The following SLC24A2 variants were observed in gnomAD, a reference collection of about 807,000 sequenced individuals.
SLC24A2 encodes sodium/potassium/calcium exchanger 2.
A neutral mutation model predicts 62.0 loss-of-function variants in SLC24A2; 36 were observed. That is an observed-to-expected ratio of 0.58 (90% CI 0.44 to 0.77). SLC24A2 has a LOEUF of 0.77. Ranked by LOEUF, SLC24A2 falls within the 30% of genes least tolerant of loss-of-function variation. The pLI, the probability that SLC24A2 is intolerant of heterozygous loss-of-function variation, is 0.00. For synonymous variants in SLC24A2, 358 were observed against 294.0 expected (o/e 1.22, Z -2.23); for missense variants, 846 against 817.9 (o/e 1.03, Z -0.42).
the SLC24A2 span, among the ~76,000 whole-genome samples, chr9:20,177,343 C>G: frequency 1.3e-5 from 2 of 152,068 alleles, no homozygotes. Flanking sequence ...TTTTTTCCTG[C>G]CCCAACCTCT....
the SLC24A2 span, among the ~76,000 whole-genome samples, chr9:19,902,909 G>A: frequency 1.3e-5 from 2 of 152,018 alleles, no homozygotes; most frequent in Non-Finnish European, 2.9e-5. Context: ...CCTAAATCAC[G>A]TTCCCTTGCA....
intron 7 of SLC24A2, among the ~76,000 whole-genome samples, chr9:19,561,287 C>G (rs2132802339): frequency 6.6e-6 from 1 of 151,970 alleles, no homozygotes; most frequent in East Asian, 1.9e-4. Context: ...CCTCTACTTT[C>G]CTATCACTTA....
intron 2 of SLC24A2, among the ~76,000 whole-genome samples, chr9:19,758,204 G>A (rs190861173): frequency 3.3e-5 from 5 of 152,132 alleles, no homozygotes; most frequent in African/African-American, 4.8e-5. Flanking sequence ...GGAAAAACTG[G>A]TTTATAGAAC....
At chr9:20,001,649 T>C in the SLC24A2 span, among the ~76,000 whole-genome samples, 1 of 152,204 alleles carries the variant, frequency 6.6e-6, no homozygotes, top group African/African-American at 2.4e-5. Context: ...CCGCCAACTT[T>C]GAGGCCTGCT....
chr9:19,984,768 A>G, the SLC24A2 span, among the ~76,000 whole-genome samples: 1 of 152,184 alleles, frequency 6.6e-6, no homozygotes, highest in Non-Finnish European at 1.5e-5. Flanking sequence ...GGGTGCCAAC[A>G]TCGTTCAATA....
At chr9:20,079,837 CG>C in the SLC24A2 span, among the ~76,000 whole-genome samples, 1 of 151,992 alleles carries the variant, frequency 6.6e-6, no homozygotes, top group Non-Finnish European at 1.5e-5. Context: ...TGGGCTGAGA[CG>C]ATGGGGTTTT....
intron 7 of SLC24A2, among the ~76,000 whole-genome samples, chr9:19,557,788 T>G (rs988437580): frequency 1.3e-5 from 2 of 151,906 alleles, no homozygotes; most frequent in Non-Finnish European, 2.9e-5. Flanking sequence ...AAAACTAATT[T>G]CTAATGGTCT....
intron 2 of SLC24A2, among the ~76,000 whole-genome samples, chr9:19,669,016 G>A (rs1013833228): frequency 1.3e-5 from 2 of 152,082 alleles, no homozygotes; most frequent in Non-Finnish European, 2.9e-5. Context: ...TTGCTCCCTC[G>A]GCACTTGGCC....
the SLC24A2 span, among the ~76,000 whole-genome samples, chr9:20,040,098 C>A: frequency 6.6e-6 from 1 of 152,248 alleles, no homozygotes; most frequent in East Asian, 1.9e-4. Context: ...TGGCACAGTT[C>A]CAAGAACAAG....
At chr9:19,899,248 T>C in the SLC24A2 span, among the ~76,000 whole-genome samples, 7 of 152,298 alleles carry the variant, frequency 4.6e-5, no homozygotes, top group South Asian at 1.2e-3. Context: ...AAAGGGGAAA[T>C]TGCCCCCTTG....
chr9:19,645,723 CT>C (rs1354093392), intron 2 of SLC24A2, among the ~76,000 whole-genome samples: 1 of 152,204 alleles, frequency 6.6e-6, no homozygotes, highest in African/African-American at 2.4e-5. Flanking sequence ...ACACCGCAAT[CT>C]TGGGCTTCTT....
At chr9:19,941,550 A>G in the SLC24A2 span, among the ~76,000 whole-genome samples, 1 of 110,398 alleles carries the variant, frequency 9.1e-6, no homozygotes, top group Admixed American at 8.9e-5. Flanking sequence ...TTTGTAGAGG[A>G]CTGGGAGTGT....
At chr9:20,093,617 A>G in the SLC24A2 span, among the ~76,000 whole-genome samples, 1 of 152,190 alleles carries the variant, frequency 6.6e-6, no homozygotes, top group Non-Finnish European at 1.5e-5. Flanking sequence ...TAGAGGTAAC[A>G]TGTTTTATTC....
chr9:19,753,901 T>G (rs564226030), intron 2 of SLC24A2, among the ~76,000 whole-genome samples: 1 of 152,238 alleles, frequency 6.6e-6, no homozygotes, highest in African/African-American at 2.4e-5. Flanking sequence ...CTCCAAAAAT[T>G]GGCATCTGGC....
the SLC24A2 span, among the ~76,000 whole-genome samples, chr9:20,063,857 G>A: frequency 6.6e-6 from 1 of 151,934 alleles, no homozygotes; most frequent in Non-Finnish European, 1.5e-5. Context: ...GTGAAAAAAT[G>A]GTATCCTTAT....
chr9:20,125,392 T>C, the SLC24A2 span, among the ~76,000 whole-genome samples: 6 of 152,336 alleles, frequency 3.9e-5, no homozygotes, highest in Admixed American at 3.3e-4. Flanking sequence ...TCTGCTCAAC[T>C]GCACGTTGCA....
chr9:20,233,536 C>A, the SLC24A2 span, among the ~76,000 whole-genome samples: 61 of 152,276 alleles, frequency 4.0e-4, no homozygotes, highest in African/African-American at 1.3e-3. Flanking sequence ...TTATCAGAGA[C>A]TAGGATTGCA....
chr9:20,176,197 G>T, the SLC24A2 span, among the ~76,000 whole-genome samples: 74 of 151,980 alleles, frequency 4.9e-4, 2 homozygotes, highest in African/African-American at 1.7e-3. Flanking sequence ...TTTGTTAGGT[G>T]ATCTTGAGGC....
chr9:20,029,239 G>A, the SLC24A2 span, among the ~76,000 whole-genome samples: 1 of 152,228 alleles, frequency 6.6e-6, no homozygotes, highest in Non-Finnish European at 1.5e-5. Context: ...TCCATGCCTG[G>A]CTGGGGGACA....
Sources: gnomAD v4.1 joint callset for allele counts (sites outside exome capture counted in the v4.1 genomes callset) on GRCh38, gnomAD v4.1.1 for gene constraint, MANE v1.5 for transcripts, NCBI Gene and HGNC (gene_info 2026-07-23, HGNC 2026-07-21) for gene names.